Variants in ATRNL1 observed in about 807,000 individuals in gnomAD.
The protein encoded by ATRNL1 is attractin-like protein 1.
In ATRNL1, 95 loss-of-function variants were observed where a neutral mutation model predicts 182.7. The ratio of observed to expected loss-of-function variants is 0.52; its 90% CI spans 0.44 to 0.62. The LOEUF (loss-of-function observed/expected upper bound fraction) is 0.62. Ranked by LOEUF, ATRNL1 falls within the 20% of genes least tolerant of loss-of-function variation. The probability of loss-of-function intolerance (pLI) is 0.00; values close to 1 mark genes in which losing one functional copy is unlikely to be tolerated. For synonymous variants in ATRNL1, 576 were observed against 568.3 expected, an observed-to-expected ratio of 1.01 and a Z score of -0.19; for missense variants, 1,471 against 1,679.5, an observed-to-expected ratio of 0.88 and a Z score of 2.17.
At chr10:115,207,855 T>G (rs1848861696) in intron 8 of ATRNL1, among the ~76,000 whole-genome samples, 1 of 152,002 alleles carries the variant, frequency 6.6e-6, no homozygotes, top group African/African-American at 2.4e-5. Flanking sequence ...CCCGATCTTG[T>G]GTGTATTTTG....
chr10:115,723,534 GTATTTATTTATT>G (rs112343950), intron 26 of ATRNL1, among the ~76,000 whole-genome samples: 1 of 148,116 alleles, frequency 6.8e-6, no homozygotes, highest in South Asian at 2.2e-4. Flanking sequence ...CTTTTCTTTT[GTATTTATTTATT>G]TATTTATTTA....
At chr10:115,193,370 A>G (rs184034270) in intron 8 of ATRNL1, among the ~76,000 whole-genome samples, 1 of 152,072 alleles carries the variant, frequency 6.6e-6, no homozygotes, top group East Asian at 1.9e-4. Context: ...CTTTTGTTTG[A>G]TGGGAGACAT....
chr10:115,216,152 C>T (rs1303025605), intron 9 of ATRNL1, among the ~76,000 whole-genome samples: 2 of 152,162 alleles, frequency 1.3e-5, no homozygotes, highest in African/African-American at 4.8e-5. Context: ...CTGTGAAATA[C>T]AGAGCTTGTG....
At chr10:115,120,337 C>A in intron 2 of ATRNL1, 69 bp downstream of exon 2, 2 of 826,178 alleles carry the variant, frequency 2.4e-6, no homozygotes, top group South Asian at 1.8e-5. Flanking sequence ...ATATTAATGT[C>A]AGAGCATTAG....
At chr10:115,124,712 G>T (rs1433093936) in intron 3 of ATRNL1, among the ~76,000 whole-genome samples, 1 of 152,022 alleles carries the variant, frequency 6.6e-6, no homozygotes, top group Non-Finnish European at 1.5e-5. Flanking sequence ...TTAATTAGGG[G>T]CCCACCATGA....
At chr10:115,529,839 A>G (rs1456432347) in intron 25 of ATRNL1, among the ~76,000 whole-genome samples, 1 of 152,106 alleles carries the variant, frequency 6.6e-6, no homozygotes, top group Admixed American at 6.5e-5. Context: ...CAATTTTAGA[A>G]CATATCATCA....
At chr10:115,492,224 A>G (rs1849334511) in intron 24 of ATRNL1, among the ~76,000 whole-genome samples, 1 of 152,064 alleles carries the variant, frequency 6.6e-6, no homozygotes, top group South Asian at 2.1e-4. Flanking sequence ...CTTTATTTTT[A>G]ACAGGATTTC....
chr10:115,122,588 C>T (rs1486140444), intron 3 of ATRNL1, among the ~76,000 whole-genome samples: 1 of 151,800 alleles, frequency 6.6e-6, no homozygotes, highest in East Asian at 1.9e-4. Context: ...GCTTATTGGT[C>T]CCTTCAAAAT....
rs1031799571 is a variant in ATRNL1 at position 115,403,327 on chromosome 10, C to T, written c.3269+8575C>T. ...TCTTTTCTCTATGTGACTTAATCTA[C>T]ATTGTTATAATAGAGACTACAGAGG... On this transcript the variant is annotated intron_variant, in intron 20 of 28. Coordinates refer to ENST00000355044, the MANE Select transcript of ATRNL1 (RefSeq NM_207303.4). Among the ~76,000 whole-genome samples the T allele has an allele frequency of 2.1e-5, 3 of 139,600 alleles. No individual in the cohort carries two copies. The Admixed American group carries it at 2.2e-4, about 10-fold the overall frequency. The allele number at this position is 139,600 out of a possible 152,430, so 91.6% of individuals were successfully genotyped here.
At chr10:115,701,654 G>A (rs1555051558) in intron 26 of ATRNL1, among the ~76,000 whole-genome samples, 1 of 151,980 alleles carries the variant, frequency 6.6e-6, no homozygotes, top group African/African-American at 2.4e-5. Flanking sequence ...AAGTTCTTCA[G>A]AGAATATTAT....
chr10:115,367,666 GTC>G (rs1857127919), intron 19 of ATRNL1, among the ~76,000 whole-genome samples: 1 of 121,236 alleles, frequency 8.2e-6, no homozygotes, highest in African/African-American at 2.7e-5. Context: ...ACTTTTGGTC[GTC>G]GATGATGGTG....
At chr10:115,728,401 A>G (rs1555061367) in intron 27 of ATRNL1, among the ~76,000 whole-genome samples, 1 of 151,290 alleles carries the variant, frequency 6.6e-6, no homozygotes, top group East Asian at 1.9e-4. Context: ...TATGTTTATT[A>G]CTTTTATTTA....
At chr10:115,248,345 TA>T (rs1850732558) in intron 10 of ATRNL1, among the ~76,000 whole-genome samples, 1 of 152,148 alleles carries the variant, frequency 6.6e-6, no homozygotes, top group Non-Finnish European at 1.5e-5. Context: ...TAAAAAGTCT[TA>T]ACTCTTGGGG....
chr10:115,755,446 G>A (rs974858323), intron 27 of ATRNL1, among the ~76,000 whole-genome samples: 4 of 152,130 alleles, frequency 2.6e-5, no homozygotes, highest in Non-Finnish European at 5.9e-5. Flanking sequence ...TTTTGTCATT[G>A]GTTCTGTTTA....
intron 28 of ATRNL1, among the ~76,000 whole-genome samples, chr10:115,938,111 A>C (rs187445939): frequency 6.6e-6 from 1 of 152,240 alleles, no homozygotes; most frequent in Non-Finnish European, 1.5e-5. Flanking sequence ...ATGTTTGTAT[A>C]TAAAGCGGGA....
chr10:115,635,804 A>G (rs1195969998), intron 26 of ATRNL1, among the ~76,000 whole-genome samples: 1 of 152,196 alleles, frequency 6.6e-6, no homozygotes, highest in East Asian at 1.9e-4. Context: ...GACACTGTAC[A>G]GGAAAAAAAT....
chr10:115,667,430 A>G (rs1555040033), intron 26 of ATRNL1, among the ~76,000 whole-genome samples: 1 of 152,144 alleles, frequency 6.6e-6, no homozygotes, highest in East Asian at 1.9e-4. Flanking sequence ...ATGCGATTAC[A>G]TTGAACAGGG....
At chr10:115,118,960 G>A (rs1844607907) in intron 1 of ATRNL1, among the ~76,000 whole-genome samples, 1 of 152,072 alleles carries the variant, frequency 6.6e-6, no homozygotes, top group Admixed American at 6.6e-5. Flanking sequence ...TACTTAAAAT[G>A]TGCTTCAGAC....
At chr10:115,539,343 T>C (rs1852222277) in intron 25 of ATRNL1, among the ~76,000 whole-genome samples, 1 of 152,228 alleles carries the variant, frequency 6.6e-6, no homozygotes, top group Admixed American at 6.5e-5. Flanking sequence ...CCAGGTAAGA[T>C]TGTGTAAACA....
Sources: allele counts gnomAD v4.1 joint callset (sites outside exome capture counted in the v4.1 genomes callset), GRCh38; gene constraint gnomAD v4.1.1; transcripts MANE v1.5; gene names NCBI Gene and HGNC (gene_info 2026-07-23, HGNC 2026-07-21).